Variants in NR6A1 observed in about 807,000 individuals in gnomAD.
The protein encoded by NR6A1 is nuclear receptor subfamily 6 group A member 1.
A neutral mutation model predicts 59.1 loss-of-function variants in NR6A1; 7 were observed. That is an observed-to-expected ratio of 0.12 (90% CI 0.07 to 0.22). NR6A1 has a LOEUF of 0.22. NR6A1 is among the 10% of genes least tolerant of loss of function. The pLI is 1.00. For synonymous variants in NR6A1, 243 were observed against 236.1 expected (o/e 1.03, Z -0.27); for missense variants, 468 against 611.6 (o/e 0.77, Z 2.48).
At chr9:124,560,762 T>C (rs1834064845) in intron 2 of NR6A1, among the ~76,000 whole-genome samples, 1 of 152,152 alleles carries the variant, frequency 6.6e-6, no homozygotes, top group Non-Finnish European at 1.5e-5. Context: ...GGTTTCACCA[T>C]GTTGGCCAGG....
In NR6A1 at chr9:124,771,124, T is replaced by G; in HGVS notation, c.-5A>C. ...CGGCGGTTCGTCCCGCTCCATGCGGTGGTGCCTAGGGTCCGCGCCGGGTTT... is the reference window on the plus strand; with the variant it reads ...CGGCGGTTCGTCCCGCTCCATGCGGGGGTGCCTAGGGTCCGCGCCGGGTTT... On this transcript the variant is annotated 5_prime_UTR_variant, in exon 1 of 10. Coordinates refer to ENST00000487099, the MANE Select transcript of NR6A1 (RefSeq NM_033334.4). 1 of 1,225,118 alleles carries G rather than the reference T, an allele frequency of 8.2e-7. No individual in the cohort carries two copies. The highest frequency in any genetic ancestry group is 2.8e-4 in the Middle Eastern group (1 of 3,548). 75.9% of individuals were successfully genotyped at this position (1,225,118 alleles called of 1,614,324 possible).
intron 2 of NR6A1, among the ~76,000 whole-genome samples, chr9:124,559,475 G>A (rs1344319682): frequency 1.3e-5 from 2 of 152,082 alleles, no homozygotes; most frequent in Non-Finnish European, 2.9e-5. Flanking sequence ...GAGATTTAAA[G>A]ATAATAATGG....
At chr9:124,763,966 T>C (rs1319029358) in intron 1 of NR6A1, among the ~76,000 whole-genome samples, 1 of 152,074 alleles carries the variant, frequency 6.6e-6, no homozygotes, top group Admixed American at 6.5e-5. Flanking sequence ...CGTGGATCAC[T>C]TGAGGTCAGG....
chr9:124,693,660 A>T (rs908414658), intron 2 of NR6A1: 2 of 528,982 alleles, frequency 3.8e-6, no homozygotes, highest in African/African-American at 1.9e-5. Flanking sequence ...GGAAAAGAAG[A>T]GCCAGGAGTC....
At chr9:124,584,843 GA>G (rs1174657899) in intron 2 of NR6A1, among the ~76,000 whole-genome samples, 1 of 152,144 alleles carries the variant, frequency 6.6e-6, no homozygotes, top group Non-Finnish European at 1.5e-5. Context: ...TCAAAAGCTA[GA>G]AATCGTTAAG....
chr9:124,528,581 G>A (rs1833008345), intron 7 of NR6A1, among the ~76,000 whole-genome samples: 1 of 151,808 alleles, frequency 6.6e-6, no homozygotes, highest in African/African-American at 2.4e-5. Flanking sequence ...CGTGCCTGTG[G>A]ACCCAGCTAC....
At chr9:124,735,996 G>A (rs1297832717) in intron 1 of NR6A1, among the ~76,000 whole-genome samples, 1 of 152,186 alleles carries the variant, frequency 6.6e-6, no homozygotes, top group Non-Finnish European at 1.5e-5. Context: ...TCAGACCATA[G>A]TACCAGGCAA....
In NR6A1 at chr9:124,519,289, C is replaced by T. The variant is rs1832748405; in HGVS notation, c.*3416G>A. The T allele has an allele frequency of 6.6e-6, 1 of 152,232 alleles. No homozygotes were observed. The highest frequency in any genetic ancestry group is 1.5e-5 in the Non-Finnish European group (1 of 68,068). The allele number at this position is 152,232 out of a possible 1,614,324, so 9.4% of individuals were successfully genotyped here. ...GAGGATCCTGCTTACTTCCTCCTAT[C>T]CCTGGGGGCTTGCCCACCTCTCTTG... is the stretch of plus-strand genomic sequence containing the variant. On this transcript the variant is annotated 3_prime_UTR_variant, in exon 10 of 10. Transcript: ENST00000487099.
intron 2 of NR6A1, among the ~76,000 whole-genome samples, chr9:124,668,670 A>G (rs1837700615): frequency 6.6e-6 from 1 of 152,244 alleles, no homozygotes; most frequent in Non-Finnish European, 1.5e-5. Flanking sequence ...GCATATTTTC[A>G]AGTCATTAAA....
At chr9:124,681,721 T>C (rs1564234524) in intron 2 of NR6A1, among the ~76,000 whole-genome samples, 1 of 152,198 alleles carries the variant, frequency 6.6e-6, no homozygotes, top group Non-Finnish European at 1.5e-5. Flanking sequence ...TCCAAATATT[T>C]AAAGATGTAT....
At chr9:124,760,757 G>C (rs1290585081) in intron 1 of NR6A1, among the ~76,000 whole-genome samples, 1 of 152,198 alleles carries the variant, frequency 6.6e-6, no homozygotes, top group Non-Finnish European at 1.5e-5. Flanking sequence ...GTAAATGTTA[G>C]CTATTAATGT....
At chr9:124,561,106 T>C (rs890880482) in intron 2 of NR6A1, among the ~76,000 whole-genome samples, 1 of 151,868 alleles carries the variant, frequency 6.6e-6, no homozygotes, top group African/African-American at 2.4e-5. Flanking sequence ...ATGTGGATAT[T>C]ATATTATATT....
At chr9:124,565,176 C>T (rs192266335) in intron 2 of NR6A1, among the ~76,000 whole-genome samples, 1 of 152,216 alleles carries the variant, frequency 6.6e-6, no homozygotes, top group East Asian at 1.9e-4. Flanking sequence ...CACCTGTAAT[C>T]CCAGCACTTT....
At chr9:124,676,845 C>T (rs1837978617) in intron 2 of NR6A1, among the ~76,000 whole-genome samples, 1 of 152,158 alleles carries the variant, frequency 6.6e-6, no homozygotes, top group Non-Finnish European at 1.5e-5. Flanking sequence ...TCAGTAAGTA[C>T]TAGACAAACT....
intron 2 of NR6A1, among the ~76,000 whole-genome samples, chr9:124,592,605 T>A (rs1412890938): frequency 6.6e-6 from 1 of 152,172 alleles, no homozygotes; most frequent in Non-Finnish European, 1.5e-5. Context: ...CTCAAAATTG[T>A]CCAGATTATG....
intron 5 of NR6A1, among the ~76,000 whole-genome samples, chr9:124,539,602 TTGAC>T (rs1200882375): frequency 1.3e-5 from 2 of 152,194 alleles, no homozygotes; most frequent in African/African-American, 4.8e-5. Context: ...AGCAGCAAAT[TTGAC>T]TGGCTTAAAA....
intron 2 of NR6A1, among the ~76,000 whole-genome samples, chr9:124,604,755 A>G (rs897343271): frequency 1.3e-5 from 2 of 152,148 alleles, no homozygotes; most frequent in African/African-American, 4.8e-5. Context: ...CAGAGGTTGC[A>G]GTGAGCAGAG....
intron 2 of NR6A1, among the ~76,000 whole-genome samples, chr9:124,691,868 G>A (rs191431628): frequency 2.4e-4 from 37 of 152,206 alleles, no homozygotes; most frequent in African/African-American, 8.7e-4. Context: ...TATTATTATA[G>A]GCAAACAAGT....
chr9:124,703,124 C>T (rs145239277), intron 2 of NR6A1, among the ~76,000 whole-genome samples: 152 of 151,924 alleles, frequency 1.0e-3, no homozygotes, highest in Middle Eastern at 3.4e-3. Flanking sequence ...AAGCTGGTCT[C>T]GAACTCCTGA....
Sources: gnomAD v4.1 joint callset for allele counts (sites outside exome capture counted in the v4.1 genomes callset) on GRCh38, gnomAD v4.1.1 for gene constraint, MANE v1.5 for transcripts, NCBI Gene and HGNC (gene_info 2026-07-23, HGNC 2026-07-21) for gene names.